PLEKHG1: variants seen among roughly 807,000 people sequenced by gnomAD.
PLEKHG1 encodes pleckstrin homology domain-containing family G member 1.
PLEKHG1 carries 44 observed loss-of-function variants against 100.8 expected under a neutral mutation model. That is an observed-to-expected ratio of 0.44 (90% CI 0.34 to 0.56). PLEKHG1 has a LOEUF of 0.56. Among genes scored for constraint, PLEKHG1 ranks in the 20% least tolerant of loss-of-function variants. PLEKHG1 has a pLI of 0.01. For synonymous variants in PLEKHG1, 640 were observed against 662.5 expected (o/e 0.97, Z 0.52); for missense variants, 1,545 against 1,720.9 (o/e 0.90, Z 1.81).
chr6:150,752,004 C>T (rs1783540359), intron 2 of PLEKHG1, among the ~76,000 whole-genome samples: 2 of 152,076 alleles, frequency 1.3e-5, no homozygotes. Context: ...GCCCAGCCGA[C>T]ATGGTGAAAC....
At chr6:150,719,250 A>G (rs1005029970), upstream of PLEKHG1, among the ~76,000 whole-genome samples, 14 of 152,068 alleles carry the variant, frequency 9.2e-5, no homozygotes, top group African/African-American at 3.1e-4. Flanking sequence ...CATACATGGA[A>G]TCTCTCAGAA....
At chr6:150,780,284 T>A (rs1207465330) in intron 3 of PLEKHG1, among the ~76,000 whole-genome samples, 8 of 151,748 alleles carry the variant, frequency 5.3e-5, no homozygotes, top group African/African-American at 1.9e-4. Flanking sequence ...CCTGGCTAAT[T>A]TTTGTATTTT....
At chr6:150,673,852 T>A (rs1188235537) in intron 3 of PLEKHG1, among the ~76,000 whole-genome samples, 1 of 152,092 alleles carries the variant, frequency 6.6e-6, no homozygotes, top group Non-Finnish European at 1.5e-5. Flanking sequence ...TTTGTAGAGA[T>A]GAGCTTTTGC....
intron 3 of PLEKHG1, among the ~76,000 whole-genome samples, chr6:150,695,173 A>G (rs534088198): frequency 6.6e-6 from 1 of 152,322 alleles, no homozygotes; most frequent in East Asian, 1.9e-4. Context: ...ATTCCAAAGA[A>G]CAATATTTGT....
At chr6:150,714,811 A>AT (rs773303756) in intron 3 of PLEKHG1, among the ~76,000 whole-genome samples, 7,646 of 147,854 alleles carry the variant, frequency 0.052, 272 homozygotes, top group Admixed American at 0.11. Flanking sequence ...TGCTGACAGA[A>AT]TTTTTTTCTT....
At position 150,644,399 on chromosome 6, in the gene PLEKHG1, A is replaced by G. The variant is rs375774451; in HGVS notation, c.-158+6274A>G. Among the ~76,000 whole-genome samples the G allele has an allele frequency of 3.0e-4, 43 of 144,780 alleles. No individual in the cohort carries two copies. The South Asian group carries it at 8.0e-3, about 27-fold the overall frequency. 95.0% of individuals were successfully genotyped at this position (144,780 alleles called of 152,430 possible). A position where few individuals can be genotyped will look rare whatever the true frequency, so the allele number is the denominator to read the frequency against. On this transcript the variant is annotated intron_variant, in intron 2 of 3. Coordinates refer to the PLEKHG1 transcript ENST00000367326. ...ACCCAGGCTGGAGTGCAGTGGCGCAATCTTGGCTCACTGCAACCTCTGCCT... is the reference window on the plus strand; with the variant it reads ...ACCCAGGCTGGAGTGCAGTGGCGCAGTCTTGGCTCACTGCAACCTCTGCCT...
intron 3 of PLEKHG1, among the ~76,000 whole-genome samples, chr6:150,777,546 C>G (rs1391513619): frequency 1.6e-4 from 24 of 147,038 alleles, no homozygotes; most frequent in African/African-American, 5.3e-4. Flanking sequence ...TTGCACATTA[C>G]TCACACTGAT....
intron 5 of PLEKHG1, among the ~76,000 whole-genome samples, chr6:150,800,282 C>T (rs928995085): frequency 3.3e-5 from 5 of 152,148 alleles, no homozygotes; most frequent in Admixed American, 6.5e-5. Context: ...GATCTTCCAG[C>T]AGGAAGGAAC....
chr6:150,651,192 T>C (rs1286569371), intron 3 of PLEKHG1: 1 of 152,212 alleles, frequency 6.6e-6, no homozygotes, highest in Non-Finnish European at 1.5e-5. Flanking sequence ...TGCAGGTAAC[T>C]GAAACTGCAG....
At chr6:150,752,079 G>A (rs1305109266) in intron 2 of PLEKHG1, among the ~76,000 whole-genome samples, 18 of 152,152 alleles carry the variant, frequency 1.2e-4, no homozygotes, top group Admixed American at 8.5e-4. Context: ...CCAGCTGCTC[G>A]GGAGGCTGAG....
intron 3 of PLEKHG1, among the ~76,000 whole-genome samples, chr6:150,698,488 A>G (rs1780634894): frequency 1.7e-5 from 1 of 59,762 alleles, no homozygotes; most frequent in Middle Eastern, 7.0e-3. Flanking sequence ...GTGTGTATAC[A>G]ATACTATATA....
intron 3 of PLEKHG1, among the ~76,000 whole-genome samples, chr6:150,665,454 C>T (rs993207992): frequency 6.6e-6 from 1 of 151,960 alleles, no homozygotes; most frequent in Non-Finnish European, 1.5e-5. Flanking sequence ...CACGGTGAAA[C>T]CCTGTCTCTA....
chr6:150,838,304 T>C (rs1360645558), intron 15 of PLEKHG1, among the ~76,000 whole-genome samples: 1 of 152,224 alleles, frequency 6.6e-6, no homozygotes, highest in Non-Finnish European at 1.5e-5. Flanking sequence ...AGAGGAACCT[T>C]GTCCAACCTA....
At chr6:150,746,818 GAC>G (rs1783189152) in intron 2 of PLEKHG1, among the ~76,000 whole-genome samples, 1 of 152,346 alleles carries the variant, frequency 6.6e-6, no homozygotes, top group Admixed American at 6.5e-5. Context: ...GGAGAGGACA[GAC>G]AGTGTAATGG....
intron 2 of PLEKHG1, among the ~76,000 whole-genome samples, chr6:150,737,666 A>G (rs888580788): frequency 1.3e-5 from 2 of 152,156 alleles, no homozygotes; most frequent in African/African-American, 2.4e-5. Flanking sequence ...ACCTATTTGT[A>G]TAATGTTGTA....
At chr6:150,806,501 A>G (rs2128667470) in intron 7 of PLEKHG1, among the ~76,000 whole-genome samples, 1 of 152,088 alleles carries the variant, frequency 6.6e-6, no homozygotes, top group East Asian at 1.9e-4. Flanking sequence ...CCTGGCCAAC[A>G]TGGTGAAACC....
chr6:150,674,131 CCTT>C (rs774730991), intron 3 of PLEKHG1, among the ~76,000 whole-genome samples: 5 of 152,162 alleles, frequency 3.3e-5, no homozygotes, highest in African/African-American at 9.7e-5. Flanking sequence ...AGCTCCTCCA[CCTT>C]CTTCTTAGTC....
intron 1 of PLEKHG1, among the ~76,000 whole-genome samples, chr6:150,611,034 A>G (rs1776806161): frequency 6.6e-6 from 1 of 152,180 alleles, no homozygotes; most frequent in Middle Eastern, 3.2e-3. Flanking sequence ...GGCATCATAG[A>G]CCTTTTGGTA....
chr6:150,769,355 A>C (rs577400839), intron 3 of PLEKHG1, among the ~76,000 whole-genome samples: 1 of 151,974 alleles, frequency 6.6e-6, no homozygotes, highest in Non-Finnish European at 1.5e-5. Flanking sequence ...GCCGAGGTGG[A>C]CAGATCACTT....
Sources: allele counts gnomAD v4.1 joint callset (sites outside exome capture counted in the v4.1 genomes callset), GRCh38; gene constraint gnomAD v4.1.1; transcripts MANE v1.5; gene names NCBI Gene and HGNC (gene_info 2026-07-23, HGNC 2026-07-21).